Variants in CFAP410 observed in about 807,000 individuals in gnomAD.
CFAP410 encodes cilia- and flagella-associated protein 410.
Under a neutral mutation model 25.7 loss-of-function variants are expected in CFAP410, and 27 were observed. The ratio of observed to expected loss-of-function variants is 1.05; its 90% CI spans 0.77 to 1.45. The LOEUF (loss-of-function observed/expected upper bound fraction) is 1.45. CFAP410 is among the 40% of genes most tolerant of loss of function. The probability of loss-of-function intolerance (pLI) is 0.00; values close to 1 mark genes in which losing one functional copy is unlikely to be tolerated. For synonymous variants in CFAP410, 178 were observed against 158.4 expected (o/e 1.12, Z -0.93); for missense variants, 428 against 354.1 (o/e 1.21, Z -1.67).
intron 5 of CFAP410, 58 bp from the exon 6 acceptor site, chr21:44,330,977 C>G: frequency 7.1e-7 from 1 of 1,411,714 alleles, no homozygotes; most frequent in South Asian, 1.4e-5. Flanking sequence ...GGGGGGGCCT[C>G]TGCAAACCCT....
chr21:44,336,507 G>T (rs533975602), intron 2 of CFAP410, among the ~76,000 whole-genome samples: 1 of 152,166 alleles, frequency 6.6e-6, no homozygotes, highest in Admixed American at 6.5e-5. Flanking sequence ...GGGGTGAGGT[G>T]CCCGGGGTGG....
intron 3 of CFAP410, chr21:44,334,387 C>G: frequency 2.4e-6 from 1 of 413,158 alleles, no homozygotes; most frequent in Non-Finnish European, 4.9e-6. Flanking sequence ...CCACAAGCTC[C>G]ACGTTTCCCT....
intron 2 of CFAP410, among the ~76,000 whole-genome samples, chr21:44,336,186 T>C (rs66916924): frequency 0.23 from 34,689 of 151,210 alleles, 4,187 homozygotes; most frequent in South Asian, 0.35. Flanking sequence ...TGCCAGGTTC[T>C]CCTCTGACAC....
rs543783476 is a variant in CFAP410, at chr21:44,331,229, G to A, written c.546-310C>T. 144 of 472,764 alleles carry A rather than the reference G, an allele frequency of 3.0e-4. No individual in the cohort carries two copies. The East Asian group carries it at 5.0e-3, about 16-fold the overall frequency. 29.3% of individuals were successfully genotyped at this position (472,764 alleles called of 1,614,324 possible). A position where few individuals can be genotyped will look rare whatever the true frequency, so the allele number is the denominator to read the frequency against. ...GCACCCGAACACACAAATGCCGGGGGAGAGCTCCTGACCATGGGGTCAGGC... is the reference window on the plus strand; with the variant it reads ...GCACCCGAACACACAAATGCCGGGGAAGAGCTCCTGACCATGGGGTCAGGC... On this transcript the variant is annotated intron_variant, in intron 5 of 6. Coordinates refer to ENST00000339818, the MANE Select transcript of CFAP410 (RefSeq NM_004928.3).
chr21:44,330,947 G>A, intron 5 of CFAP410, 28 bp from the exon 6 acceptor site: 1 of 1,545,266 alleles, frequency 6.5e-7, no homozygotes, highest in African/African-American at 1.4e-5. Flanking sequence ...GCGTGTGAGG[G>A]TCAGGGGGCT....
chr21:44,331,871 C>T lies in CFAP410; in HGVS notation c.517G>A (p.Asp173Asn). The change falls in exon 5 of 7, where the codon GAC (aspartate) becomes AAC (asparagine). Residue 173 changes from aspartate (D) to asparagine (N), a missense_variant. Coordinates refer to ENST00000339818, the MANE Select transcript of CFAP410 (RefSeq NM_004928.3). ...SLSSAAETGR[D>N]PLDSEEEATS... ...GCCTCCTCCTCGCTGTCCAGCGGGT[C>T]CCGGCCAGTCTCAGCAGCGGAGCTG... 1 of 1,612,264 alleles carries T rather than the reference C, an allele frequency of 6.2e-7. No individual in the cohort carries two copies. The highest frequency in any genetic ancestry group is 1.3e-5 in the African/African-American group (1 of 75,042).
At position 44,330,622 on chromosome 21, in the gene CFAP410, C is replaced by G. The variant is rs1044229727; in HGVS notation, c.642+201G>C. On this transcript the variant is annotated intron_variant, in intron 6 of 6. Transcript: ENST00000339818. Reference sequence around the variant, plus strand: ...GCTGAGGGGCCAGGACGGCTCCGTGCGGGGCACGTGTTACACGTGTGTGCG... The same window carrying G: ...GCTGAGGGGCCAGGACGGCTCCGTGGGGGGCACGTGTTACACGTGTGTGCG... 2.6e-6 allele frequency: 4 copies of G among 1,549,964 alleles called. No homozygotes were observed. In the Admixed American group the frequency reaches 7.8e-5, roughly 30 times the overall value.
chr21:44,337,810 C>A (rs2047783345), intron 1 of CFAP410, 143 bp from the exon 2 acceptor site: 4 of 671,550 alleles, frequency 6.0e-6, no homozygotes, highest in South Asian at 1.8e-5. Flanking sequence ...AGGAAGGTTG[C>A]CCAGATAACT....
chr21:44,336,374 A>T (rs894804592), intron 2 of CFAP410, among the ~76,000 whole-genome samples: 1 of 152,198 alleles, frequency 6.6e-6, no homozygotes, highest in Admixed American at 6.5e-5. Context: ...GGGGACCCCA[A>T]TGTCCCCTAC....
intron 2 of CFAP410, among the ~76,000 whole-genome samples, chr21:44,337,225 A>T (rs1287340851): frequency 6.6e-6 from 1 of 152,208 alleles, no homozygotes; most frequent in Non-Finnish European, 1.5e-5. Flanking sequence ...AGCAGGGCTT[A>T]TTCTCTGCCT....
chr21:44,333,161 T>A lies in CFAP410; in HGVS notation c.245A>T (p.Tyr82Phe), dbSNP rs199617249. 2 of 1,612,598 alleles carry A rather than the reference T, an allele frequency of 1.2e-6. No individual in the cohort carries two copies. Among genetic ancestry groups the A allele is most frequent in the African/African-American group, 2.7e-5 (2 of 75,052 alleles). The stretch of plus-strand genomic sequence containing the variant: ...CCGCAGACGCGGCAGCCCCTTCAGG[T>A]AGAAGAGCTCAGCCAGGCTGGGGAT... ...NRIPSLAELF[Y>F]LKGLPRLRVL... The change falls in exon 4 of 7, where the codon TAC becomes TTC. Residue 82 changes from tyrosine to phenylalanine, a missense_variant. Coordinates refer to ENST00000339818, the MANE Select transcript of CFAP410 (RefSeq NM_004928.3).
intron 3 of CFAP410, chr21:44,333,959 A>G (rs1332349839): frequency 5.2e-6 from 2 of 382,028 alleles, no homozygotes; most frequent in Non-Finnish European, 1.1e-5. Flanking sequence ...CCAGGCCCCC[A>G]TGGGCAGCCT....
chr21:44,338,893 TCCCTCCGGCTCCG>T (rs1241158017), intron 1 of CFAP410: 1 of 46,844 alleles, frequency 2.1e-5, no homozygotes, highest in Non-Finnish European at 4.1e-5. Context: ...CCCCGGCTCC[TCCCTCCGGCTCCG>T]CCCTCTCCCC....
chr21:44,331,133 C>T (rs551955286), intron 5 of CFAP410: 119 of 584,386 alleles, frequency 2.0e-4, no homozygotes, highest in Non-Finnish European at 3.4e-4. Context: ...ACCTGTGGGG[C>T]GCCCTCCCGG....
At position 44,336,665 on chromosome 21, in the gene CFAP410, T is replaced by G. The variant is rs776805249; in HGVS notation, c.97-861A>C. Among the ~76,000 whole-genome samples, 7 of 152,190 alleles carry G rather than the reference T, an allele frequency of 4.6e-5. No homozygotes were observed. In the South Asian group the frequency reaches 6.2e-4, roughly 14 times the overall value. ...GGACATGGTACGTTTGTATATTCAC[T>G]GCTAAACATGCAGTATTTCAGTTAC... On this transcript the variant is annotated intron_variant, in intron 2 of 6. Transcript: ENST00000339818.
Position 44,339,241 on chromosome 21 carries a change from C to G in CFAP410, c.-47G>C. 1 of 1,280,606 alleles carries G rather than the reference C, an allele frequency of 7.8e-7. No homozygotes were observed. The highest frequency in any genetic ancestry group is 1.0e-6 in the Non-Finnish European group (1 of 968,876). 79.3% of individuals were successfully genotyped at this position (1,280,606 alleles called of 1,614,324 possible). A position where few individuals can be genotyped will look rare whatever the true frequency, so the allele number is the denominator to read the frequency against. ...GGCGGGCGCCCCCGGCCTCCTGATCCCGGGCGGGTGACGACTGCGCGGCGC... is the reference window on the plus strand; with the variant it reads ...GGCGGGCGCCCCCGGCCTCCTGATCGCGGGCGGGTGACGACTGCGCGGCGC... On this transcript the variant is annotated 5_prime_UTR_variant, in exon 1 of 7. Transcript: ENST00000339818.
chr21:44,335,662 C>T (rs2047737599), intron 3 of CFAP410, 96 bp downstream of exon 3: 2 of 965,800 alleles, frequency 2.1e-6, no homozygotes, highest in African/African-American at 1.6e-5. Flanking sequence ...TGGAGGTTTC[C>T]AGGTTATGTC....
intron 3 of CFAP410, chr21:44,333,704 C>T (rs2047695482): frequency 3.4e-6 from 1 of 294,940 alleles, no homozygotes; most frequent in African/African-American, 2.2e-5. Context: ...CTTCCAAACC[C>T]CCACTTGAGG....
chr21:44,338,439 C>T, intron 1 of CFAP410: 2 of 579,872 alleles, frequency 3.4e-6, no homozygotes, highest in Non-Finnish European at 5.7e-6. Flanking sequence ...GCATTACCTG[C>T]CTTTCAGCCT....
Sources: gnomAD v4.1 joint callset for allele counts (sites outside exome capture counted in the v4.1 genomes callset) on GRCh38, gnomAD v4.1.1 for gene constraint, MANE v1.5 for transcripts, NCBI Gene and HGNC (gene_info 2026-07-23, HGNC 2026-07-21) for gene names.